FEZ1: variants seen among roughly 807,000 people sequenced by gnomAD.
The protein encoded by FEZ1 is fasciculation and elongation protein zeta 1, also known as fasciculation and elongation protein zeta-1.
In FEZ1, 20 loss-of-function variants were observed where a neutral mutation model predicts 49.3. The ratio of observed to expected loss-of-function variants is 0.41; its 90% CI spans 0.29 to 0.59. FEZ1 has a LOEUF of 0.59. Ranked by LOEUF, FEZ1 falls within the 20% of genes least tolerant of loss-of-function variation. The pLI is 0.36. For missense variants in FEZ1, 413 were observed against 476.0 expected (o/e 0.87, Z 1.23); for synonymous variants, 170 against 180.9 (o/e 0.94, Z 0.48).
At chr11:125,486,282 C>T (rs760714699) in intron 2 of FEZ1, among the ~76,000 whole-genome samples, 15 of 152,128 alleles carry the variant, frequency 9.9e-5, no homozygotes, top group Non-Finnish European at 1.8e-4. Context: ...GATAGGGATC[C>T]CCAGTGACGT....
At chr11:125,476,230 C>T (rs939181898) in intron 3 of FEZ1, among the ~76,000 whole-genome samples, 8 of 152,250 alleles carry the variant, frequency 5.3e-5, no homozygotes, top group East Asian at 3.9e-4. Context: ...CAAAATTTAC[C>T]GCATTGCTCA....
intron 5 of FEZ1, chr11:125,456,331 G>T (rs780922532): frequency 3.3e-5 from 14 of 430,372 alleles, no homozygotes; most frequent in Non-Finnish European, 5.3e-5. Flanking sequence ...AAACAAAGGA[G>T]GAAGAAGAAA....
rs1254458600 is a variant in FEZ1 at position 125,455,754 on chromosome 11, C to T, written c.939+81G>A. ...ACTGCTCGGTAAACGTTGATGAGTC[C>T]CCTGCAGGGTTGGTAGGGCACTGAA... On this transcript the variant is annotated intron_variant, in intron 6 of 9. Transcript: ENST00000278919. The T allele has an allele frequency of 2.1e-6, 3 of 1,419,632 alleles. No homozygotes were observed. In the South Asian group the frequency reaches 3.5e-5, roughly 16 times the overall value. 87.9% of individuals were successfully genotyped at this position (1,419,632 alleles called of 1,614,324 possible). A position where few individuals can be genotyped will look rare whatever the true frequency, so the allele number is the denominator to read the frequency against.
chr11:125,459,472 A>G (rs544996448), intron 5 of FEZ1, among the ~76,000 whole-genome samples: 1 of 152,112 alleles, frequency 6.6e-6, no homozygotes, highest in African/African-American at 2.4e-5. Context: ...CATGCCTGTA[A>G]TCCCGGCTAC....
chr11:125,477,944 G>T (rs1433371854), intron 3 of FEZ1, among the ~76,000 whole-genome samples: 1 of 152,064 alleles, frequency 6.6e-6, no homozygotes, highest in Non-Finnish European at 1.5e-5. Flanking sequence ...TACTGTTTTG[G>T]GTGGTTGTTT....
At position 125,489,209 on chromosome 11, in the gene FEZ1, T is replaced by G; in HGVS notation, c.311+258A>C. On this transcript the variant is annotated intron_variant, in intron 2 of 9. Coordinates refer to ENST00000278919, the MANE Select transcript of FEZ1 (RefSeq NM_005103.5). The surrounding 1 kb of genome is among the most constrained non-coding windows in gnomAD (Gnocchi z 4.2). ...AAGATAGACAGACCCTGAAATTTAC[T>G]GTGCTCCTGAAATTCCATTTTGTAT... 8.8e-7 allele frequency: 1 copy of G among 1,138,580 alleles called. No homozygotes were observed. The allele number at this position is 1,138,580 out of a possible 1,614,324, so 70.5% of individuals were successfully genotyped here.
chr11:125,467,937 G>GGA (rs916638048), intron 3 of FEZ1, among the ~76,000 whole-genome samples: 13 of 152,256 alleles, frequency 8.5e-5, no homozygotes, highest in African/African-American at 3.1e-4. Flanking sequence ...TAAGGTAAAA[G>GGA]GAGACTGTGT....
At chr11:125,480,338 A>G (rs1042145638) in intron 3 of FEZ1, among the ~76,000 whole-genome samples, 1 of 152,006 alleles carries the variant, frequency 6.6e-6, no homozygotes, top group Non-Finnish European at 1.5e-5. Flanking sequence ...GTGAGCCGAG[A>G]CTGTGCCACT....
chr11:125,457,093 G>T (rs77694923), intron 5 of FEZ1, among the ~76,000 whole-genome samples: 162 of 151,974 alleles, frequency 1.1e-3, no homozygotes, highest in East Asian at 9.5e-3. Context: ...TGAGGCAGGA[G>T]AACCGCTTGA....
intron 2 of FEZ1, among the ~76,000 whole-genome samples, chr11:125,486,306 AG>A (rs1957326236): frequency 6.6e-6 from 1 of 152,184 alleles, no homozygotes; most frequent in African/African-American, 2.4e-5. Flanking sequence ...AGGTAAGCTG[AG>A]GGCCGTCAAT....
At chr11:125,462,134 T>G (rs947065743) in intron 4 of FEZ1, among the ~76,000 whole-genome samples, 1 of 152,234 alleles carries the variant, frequency 6.6e-6, no homozygotes. Context: ...ATCACAGATA[T>G]GAAAAAGCAC....
chr11:125,449,181 T>C (rs1467354518), intron 8 of FEZ1, among the ~76,000 whole-genome samples: 1 of 151,018 alleles, frequency 6.6e-6, no homozygotes, highest in Non-Finnish European at 1.5e-5. Flanking sequence ...AGCTGAGACT[T>C]ACAGGCACGT....
At chr11:125,493,425 G>GGAAA (rs1439319531) in intron 1 of FEZ1, among the ~76,000 whole-genome samples, 1 of 35,112 alleles carries the variant, frequency 2.8e-5, no homozygotes, top group Admixed American at 3.3e-4. Flanking sequence ...AAAGAAAGAA[G>GGAAA]GAAAGAAGGA....
chr11:125,457,863 C>G (rs1478335602), intron 5 of FEZ1, among the ~76,000 whole-genome samples: 1 of 152,172 alleles, frequency 6.6e-6, no homozygotes. Flanking sequence ...TTCCCTCTTC[C>G]TCTTTGTTTC....
chr11:125,470,484 A>G (rs1478677664), intron 3 of FEZ1, among the ~76,000 whole-genome samples: 1 of 152,212 alleles, frequency 6.6e-6, no homozygotes, highest in Non-Finnish European at 1.5e-5. Flanking sequence ...TCTAGAAAGC[A>G]AAAACAGAAG....
In FEZ1 at chr11:125,495,490, G is replaced by T. The variant is rs536138826; in HGVS notation, c.-46+631C>A. 235 of 470,938 alleles carry T rather than the reference G, an allele frequency of 5.0e-4. 1 individual carries two copies. The highest frequency in any genetic ancestry group is 9.0e-4 in the Non-Finnish European group (204 of 227,056). 29.2% of individuals were successfully genotyped at this position (470,938 alleles called of 1,614,324 possible). ...CGCAGCCGCCCCGGTCCCTTCTCCC[G>T]CCCGTCTGTAGTAAAACAATCGCTC... On this transcript the variant is annotated intron_variant, in intron 1 of 9. Coordinates refer to ENST00000278919, the MANE Select transcript of FEZ1 (RefSeq NM_005103.5). This position sits in a 1 kb window ranked among gnomAD's most constrained non-coding sequence, Gnocchi z 4.2.
At chr11:125,453,584 C>T (rs1016522069) in intron 7 of FEZ1, 1 of 152,262 alleles carries the variant, frequency 6.6e-6, no homozygotes, top group African/African-American at 2.4e-5. Flanking sequence ...CACCTTTGCA[C>T]CTGAGGGCTT....
chr11:125,487,411 G>A (rs1414673347), intron 2 of FEZ1, among the ~76,000 whole-genome samples: 4 of 152,272 alleles, frequency 2.6e-5, no homozygotes, highest in Non-Finnish European at 2.9e-5. Context: ...GTCACACAGC[G>A]AGTTAGAGAG....
At chr11:125,493,780 C>T (rs11605207) in intron 1 of FEZ1, among the ~76,000 whole-genome samples, 27,848 of 152,154 alleles carry the variant, frequency 0.18, 2,695 homozygotes, top group African/African-American at 0.22. Flanking sequence ...GGTATTTACA[C>T]TGCCTTTAAA....
Sources: gnomAD v4.1 joint callset for allele counts (sites outside exome capture counted in the v4.1 genomes callset) on GRCh38, gnomAD v4.1.1 for gene constraint, Gnocchi (gnomAD v3.1) non-coding constraint, MANE v1.5 for transcripts, NCBI Gene and HGNC (gene_info 2026-07-23, HGNC 2026-07-21) for gene names.